The following ARMC8 variants were observed in gnomAD, a reference collection of about 807,000 sequenced individuals.
The protein encoded by ARMC8 is armadillo repeat-containing protein 8.
A neutral mutation model predicts 99.3 loss-of-function variants in ARMC8; 20 were observed. The ratio of observed to expected loss-of-function variants is 0.20; its 90% CI spans 0.14 to 0.29. The LOEUF is 0.29. Among genes scored for constraint, ARMC8 ranks in the 10% least tolerant of loss-of-function variants. The pLI is 1.00. For missense variants in ARMC8, 569 were observed against 809.5 expected (o/e 0.70, Z 3.60); for synonymous variants, 263 against 278.3 (o/e 0.95, Z 0.55).
At chr3:138,210,414 T>C (rs1045072678) in intron 2 of ARMC8, among the ~76,000 whole-genome samples, 2 of 152,198 alleles carry the variant, frequency 1.3e-5, no homozygotes, top group Non-Finnish European at 1.5e-5. Flanking sequence ...AGAGGAAACA[T>C]TTTTAAGCAA....
intron 11 of ARMC8, among the ~76,000 whole-genome samples, chr3:138,243,155 A>G (rs1458258259): frequency 1.3e-5 from 2 of 152,250 alleles, no homozygotes; most frequent in Non-Finnish European, 1.5e-5. Flanking sequence ...TTTGATGGCC[A>G]TGAGAGTAAG....
chr3:138,233,532 A>G (rs542829943), intron 6 of ARMC8, among the ~76,000 whole-genome samples: 18 of 152,234 alleles, frequency 1.2e-4, no homozygotes, highest in African/African-American at 3.9e-4. Flanking sequence ...AAGAAACTCA[A>G]AGTTAGAAAA....
intron 19 of ARMC8, among the ~76,000 whole-genome samples, chr3:138,285,444 A>G (rs1194042426): frequency 3.3e-5 from 5 of 152,182 alleles, no homozygotes; most frequent in Non-Finnish European, 5.9e-5. Context: ...TTTGTTCACT[A>G]CACTGGCCAC....
rs1488691627 is a variant in ARMC8 at position 138,228,953 on chromosome 3, T to G, written c.471T>G (p.Leu157=). The G allele has an allele frequency of 1.2e-6, 2 of 1,609,990 alleles. No homozygotes were observed. The highest frequency in any genetic ancestry group is 1.7e-6 in the Non-Finnish European group (2 of 1,177,692). ...ATVIPHLMAL[L]SRSRYTQEYI... ...TGATACCACACCTCATGGCACTGCT[T>G]AGCAGGTCCCGCTATACCCAGGAGT... The change falls in exon 6 of 22, where the codon CTT becomes CTG. Residue 157 remains leucine, a synonymous_variant. Coordinates refer to ENST00000469044, the MANE Select transcript of ARMC8 (RefSeq NM_001363941.2).
At chr3:138,190,894 G>T (rs2043344974) in intron 1 of ARMC8, among the ~76,000 whole-genome samples, 1 of 152,156 alleles carries the variant, frequency 6.6e-6, no homozygotes, top group Admixed American at 6.5e-5. Flanking sequence ...ATGGTGATTA[G>T]TATTATGAAT....
At chr3:138,230,910 A>T (rs2045995360) in intron 6 of ARMC8, among the ~76,000 whole-genome samples, 1 of 152,198 alleles carries the variant, frequency 6.6e-6, no homozygotes, top group Non-Finnish European at 1.5e-5. Flanking sequence ...TTTTAGCTGA[A>T]ATTATAGAGT....
intron 1 of ARMC8, among the ~76,000 whole-genome samples, chr3:138,207,860 CAT>C (rs1007966119): frequency 4.6e-5 from 7 of 152,144 alleles, no homozygotes; most frequent in African/African-American, 7.2e-5. Flanking sequence ...TTGAGGAAAA[CAT>C]GTGTTAGCAG....
chr3:138,284,610 TAA>T, intron 19 of ARMC8, 84 bp downstream of exon 19: 1 of 1,018,288 alleles, frequency 9.8e-7, no homozygotes, highest in Admixed American at 1.9e-5. Context: ...GCAGAGATTT[TAA>T]AAAGAGGAAA....
chr3:138,236,675 ACAT>A (rs1406597419), intron 7 of ARMC8, among the ~76,000 whole-genome samples: 1 of 152,146 alleles, frequency 6.6e-6, no homozygotes, highest in Non-Finnish European at 1.5e-5. Flanking sequence ...CCACATTAAA[ACAT>A]CATGTGTAGA....
At chr3:138,202,333 C>G (rs1260356210) in intron 1 of ARMC8, among the ~76,000 whole-genome samples, 1 of 152,120 alleles carries the variant, frequency 6.6e-6, no homozygotes, top group Non-Finnish European at 1.5e-5. Flanking sequence ...TGAAAATGAA[C>G]TAGAACATAC....
chr3:138,228,871 G>T, intron 5 of ARMC8, 47 bp from the exon 6 acceptor site: 1 of 1,098,390 alleles, frequency 9.1e-7, no homozygotes, highest in Non-Finnish European at 1.4e-6. Context: ...TTTATCAAAT[G>T]TACTCATGGT....
At position 138,281,813 on chromosome 3, in the gene ARMC8, G is replaced by A. The variant is rs79121714; in HGVS notation, c.1726-2618G>A. ...GAATTCCCCTTTATATTCTGTTTTA[G>A]TGGGTAAGAGGGGGTAGCTGTTTTC... On this transcript the variant is annotated intron_variant, in intron 18 of 21. Coordinates refer to ENST00000469044, the MANE Select transcript of ARMC8 (RefSeq NM_001363941.2). Among the ~76,000 whole-genome samples, 1,100 of 152,266 alleles carry A rather than the reference G, an allele frequency of 7.2e-3. 11 individuals carry two copies. Among genetic ancestry groups the A allele is most frequent in the African/African-American group, 0.025 (1,029 of 41,536 alleles).
intron 1 of ARMC8, among the ~76,000 whole-genome samples, chr3:138,200,042 ACACT>A (rs1180753069): frequency 6.6e-6 from 1 of 152,192 alleles, no homozygotes; most frequent in Non-Finnish European, 1.5e-5. Context: ...TCAGACTCAC[ACACT>A]CTGCTTATAA....
At chr3:138,272,736 G>A (rs549252395) in intron 16 of ARMC8, among the ~76,000 whole-genome samples, 7 of 152,218 alleles carry the variant, frequency 4.6e-5, no homozygotes, top group African/African-American at 7.2e-5. Flanking sequence ...TTAGCCAGGC[G>A]TGGTGGCTCG....
At chr3:138,192,363 C>T (rs541077183) in intron 1 of ARMC8, among the ~76,000 whole-genome samples, 3 of 150,522 alleles carry the variant, frequency 2.0e-5, no homozygotes, top group South Asian at 4.2e-4. Flanking sequence ...CTGCAAGCTC[C>T]GCCTCCTGGG....
At chr3:138,294,839 A>G (rs1347009752) in intron 21 of ARMC8, among the ~76,000 whole-genome samples, 1 of 151,788 alleles carries the variant, frequency 6.6e-6, no homozygotes, top group Admixed American at 6.6e-5. Flanking sequence ...ATCAGGATAG[A>G]TTAAGTCACT....
intron 2 of ARMC8, among the ~76,000 whole-genome samples, chr3:138,215,749 T>C (rs1382980357): frequency 2.0e-5 from 3 of 152,198 alleles, no homozygotes; most frequent in Non-Finnish European, 4.4e-5. Context: ...TCGGAGCCAG[T>C]ATTTAATTTT....
rs768746228 is a variant in ARMC8, at chr3:138,270,054, A to G, written c.1401A>G (p.Ser467=). The G allele has an allele frequency of 2.0e-5, 32 of 1,612,884 alleles. No individual in the cohort carries two copies. The African/African-American group carries it at 3.7e-4, about 19-fold the overall frequency. Residue 467 remains serine, a synonymous_variant, in exon 16 of 22, where the codon TCA becomes TCG. Transcript: ENST00000469044. ...FSPSKEPILE[S]GAVELLCGLT... is the part of the protein sequence containing the mutation. ...TCCAATGGCAGCCAATTTTGGAATC[A>G]GGAGCCGTAGAGCTACTTTGTGGAT... is the stretch of plus-strand genomic sequence containing the variant.
At chr3:138,289,932 C>T (rs1050837059) in intron 20 of ARMC8, among the ~76,000 whole-genome samples, 12 of 152,200 alleles carry the variant, frequency 7.9e-5, no homozygotes, top group African/African-American at 2.6e-4. Flanking sequence ...AGCAGCAGCG[C>T]CCAAAACAAA....
Sources: gnomAD v4.1 joint callset for allele counts (sites outside exome capture counted in the v4.1 genomes callset) on GRCh38, gnomAD v4.1.1 for gene constraint, MANE v1.5 for transcripts, NCBI Gene and HGNC (gene_info 2026-07-23, HGNC 2026-07-21) for gene names.